Variants in TBC1D32 observed in about 807,000 individuals in gnomAD.
The protein encoded by TBC1D32 is protein broad-minded.
Under a neutral mutation model 170.3 loss-of-function variants are expected in TBC1D32, and 151 were observed. The observed-to-expected ratio is 0.89, with a 90% CI of 0.78 to 1.01. TBC1D32 has a LOEUF of 1.01. Among genes scored for constraint, TBC1D32 ranks in the 50% least tolerant of loss-of-function variants. The pLI is 0.00. For missense variants in TBC1D32, 1,464 were observed against 1,457.1 expected, an observed-to-expected ratio of 1.00 and a Z score of -0.08; for synonymous variants, 498 against 488.0, an observed-to-expected ratio of 1.02 and a Z score of -0.27.
intron 24 of TBC1D32, among the ~76,000 whole-genome samples, chr6:121,140,934 A>G (rs1782707502): frequency 6.6e-6 from 1 of 152,190 alleles, no homozygotes; most frequent in Non-Finnish European, 1.5e-5. Context: ...AATTTACTTT[A>G]GATTAGCCTG....
intron 31 of TBC1D32, among the ~76,000 whole-genome samples, chr6:121,082,473 A>C (rs1775737916): frequency 6.6e-6 from 1 of 151,988 alleles, no homozygotes; most frequent in South Asian, 2.1e-4. Context: ...CTTCACTAAA[A>C]CTATACCTAA....
intron 3 of TBC1D32, among the ~76,000 whole-genome samples, chr6:121,312,181 T>C (rs528871620): frequency 2.0e-5 from 3 of 152,010 alleles, no homozygotes; most frequent in African/African-American, 7.2e-5. Context: ...CATCACACAC[T>C]GGGGCCTGTC....
intron 16 of TBC1D32, 51 bp downstream of exon 16, chr6:121,256,033 A>G (rs775769940): frequency 6.8e-7 from 1 of 1,477,836 alleles, no homozygotes; most frequent in Admixed American, 2.0e-5. Context: ...TGGTGCTTAT[A>G]TTTGAAATAA....
chr6:121,101,766 G>T (rs887695020), intron 30 of TBC1D32, among the ~76,000 whole-genome samples: 1 of 152,012 alleles, frequency 6.6e-6, no homozygotes, highest in Non-Finnish European at 1.5e-5. Flanking sequence ...AGAAATAAAG[G>T]GTATTCAATT....
intron 21 of TBC1D32, among the ~76,000 whole-genome samples, chr6:121,209,057 T>C (rs1792703129): frequency 6.6e-6 from 1 of 152,042 alleles, no homozygotes; most frequent in African/African-American, 2.4e-5. Context: ...AATATTTATA[T>C]ATCACTTATT....
intron 22 of TBC1D32, among the ~76,000 whole-genome samples, chr6:121,200,972 C>T (rs1487241675): frequency 6.6e-6 from 1 of 151,470 alleles, no homozygotes; most frequent in Admixed American, 6.6e-5. Flanking sequence ...TAGGGTAAGA[C>T]ACACAATGGT....
intron 3 of TBC1D32, among the ~76,000 whole-genome samples, chr6:121,312,772 A>G (rs1808399116): frequency 6.6e-6 from 1 of 152,214 alleles, no homozygotes; most frequent in Non-Finnish European, 1.5e-5. Context: ...AAATCAAGAG[A>G]AAAATAAATT....
intron 30 of TBC1D32, among the ~76,000 whole-genome samples, chr6:121,104,374 C>T (rs764827776): frequency 2.6e-4 from 39 of 151,548 alleles, no homozygotes; most frequent in Non-Finnish European, 3.8e-4. Flanking sequence ...ACTTTAGAAA[C>T]CAAGACTGGA....
At chr6:121,295,365 T>C (rs1261187236) in intron 10 of TBC1D32, among the ~76,000 whole-genome samples, 2 of 150,302 alleles carry the variant, frequency 1.3e-5, no homozygotes, top group Non-Finnish European at 3.0e-5. Context: ...CAGTTGTTGG[T>C]GACCTTGAAA....
intron 29 of TBC1D32, chr6:121,112,255 C>A: frequency 4.1e-6 from 1 of 246,894 alleles, no homozygotes; most frequent in Non-Finnish European, 7.6e-6. Context: ...ATTTTAATTT[C>A]ATTATCATGT....
At chr6:121,132,541 GTCT>G (rs1440387451) in intron 24 of TBC1D32, among the ~76,000 whole-genome samples, 1 of 151,858 alleles carries the variant, frequency 6.6e-6, no homozygotes, top group African/African-American at 2.4e-5. Context: ...GCTTCTTTGA[GTCT>G]TCATTTCCCT....
intron 3 of TBC1D32, among the ~76,000 whole-genome samples, chr6:121,313,945 T>A (rs1808586881): frequency 6.6e-6 from 1 of 152,158 alleles, no homozygotes; most frequent in Non-Finnish European, 1.5e-5. Context: ...TGATTAAGAT[T>A]TGAAGACTAA....
chr6:121,268,556 T>G (rs1340672003), intron 15 of TBC1D32, among the ~76,000 whole-genome samples: 1 of 152,042 alleles, frequency 6.6e-6, no homozygotes, highest in African/African-American at 2.4e-5. Context: ...AAGAGAAGTT[T>G]AGAGAAAAGG....
chr6:121,295,571 C>A, intron 10 of TBC1D32, among the ~76,000 whole-genome samples: 1 of 151,464 alleles, frequency 6.6e-6, no homozygotes, highest in Non-Finnish European at 1.5e-5. Context: ...TATGGTTATG[C>A]TTAAATGTTA....
chr6:121,280,447 G>C (rs540594366), intron 14 of TBC1D32, among the ~76,000 whole-genome samples: 1 of 151,756 alleles, frequency 6.6e-6, no homozygotes, highest in Non-Finnish European at 1.5e-5. Flanking sequence ...TCCACTATGT[G>C]CCAGAGGGCT....
intron 26 of TBC1D32, among the ~76,000 whole-genome samples, chr6:121,119,924 C>A (rs1780083483): frequency 6.6e-6 from 1 of 151,826 alleles, no homozygotes. Context: ...TTCCAGAAAC[C>A]TAAAAAAACA....
At chr6:121,132,042 G>A (rs2128218186) in intron 24 of TBC1D32, among the ~76,000 whole-genome samples, 1 of 152,040 alleles carries the variant, frequency 6.6e-6, no homozygotes, top group East Asian at 1.9e-4. Flanking sequence ...TCATTACTGA[G>A]TATCTGTTTT....
At chr6:121,275,460 A>C (rs187372930) in intron 15 of TBC1D32, among the ~76,000 whole-genome samples, 2 of 152,332 alleles carry the variant, frequency 1.3e-5, no homozygotes, top group Admixed American at 1.3e-4. Context: ...GGAAATAGCC[A>C]ATAACCCTAT....
At chr6:121,083,375 T>C (rs920104414) in intron 31 of TBC1D32, among the ~76,000 whole-genome samples, 1 of 152,100 alleles carries the variant, frequency 6.6e-6, no homozygotes, top group African/African-American at 2.4e-5. Context: ...TTTCGTTTGT[T>C]GTATCTAATG....
Sources: allele counts gnomAD v4.1 joint callset (sites outside exome capture counted in the v4.1 genomes callset), GRCh38; gene constraint gnomAD v4.1.1; transcripts MANE v1.5; gene names NCBI Gene and HGNC (gene_info 2026-07-23, HGNC 2026-07-21).